The following CRACD variants were observed in gnomAD, a reference collection of about 807,000 sequenced individuals.
CRACD encodes the protein capping protein inhibiting regulator of actin dynamics, also known as capping protein-inhibiting regulator of actin dynamics.
In CRACD, 56 loss-of-function variants were observed where a neutral mutation model predicts 106.8. The observed-to-expected ratio is 0.52, with a 90% confidence interval of 0.42 to 0.66. CRACD has a LOEUF of 0.66. Among genes scored for constraint, CRACD ranks in the 30% least tolerant of loss-of-function variants. The pLI, the probability that CRACD is intolerant of heterozygous loss-of-function variation, is 0.00. For missense variants in CRACD, 1,730 were observed against 1,623.2 expected, an observed-to-expected ratio of 1.07 and a Z score of -1.13; for synonymous variants, 754 against 670.8, an observed-to-expected ratio of 1.12 and a Z score of -1.92.
At chr4:56,172,516 G>A (rs922383652) in intron 1 of CRACD, among the ~76,000 whole-genome samples, 9 of 152,160 alleles carry the variant, frequency 5.9e-5, no homozygotes, top group African/African-American at 1.7e-4. Flanking sequence ...AGGCTGCTGT[G>A]CAATGGCATG....
intron 1 of CRACD, among the ~76,000 whole-genome samples, chr4:56,120,312 A>C (rs1734441526): frequency 6.6e-6 from 1 of 152,096 alleles, no homozygotes; most frequent in Non-Finnish European, 1.5e-5. Context: ...AGAGACTCTG[A>C]TCCTATATGT....
At chr4:56,249,058 G>A (rs72980179) in intron 2 of CRACD, among the ~76,000 whole-genome samples, 32,227 of 59,280 alleles carry the variant, frequency 0.54, 9,802 homozygotes, top group Middle Eastern at 0.63. Flanking sequence ...TCTTTATAGC[G>A]GCATGATTTA....
chr4:56,265,442 G>A (rs1226051107), intron 2 of CRACD, among the ~76,000 whole-genome samples: 4 of 147,060 alleles, frequency 2.7e-5, no homozygotes, highest in African/African-American at 1.0e-4. Context: ...GTGTGTGTGT[G>A]TATGAAATAT....
chr4:56,212,483 G>A (rs1424302901), intron 2 of CRACD, among the ~76,000 whole-genome samples: 2 of 152,088 alleles, frequency 1.3e-5, no homozygotes, highest in South Asian at 2.1e-4. Context: ...CTCTGTGGAC[G>A]TGCCCTGAGT....
intron 10 of CRACD, among the ~76,000 whole-genome samples, chr4:56,325,416 A>G (rs1363388094): frequency 2.0e-5 from 3 of 152,230 alleles, no homozygotes; most frequent in Non-Finnish European, 4.4e-5. Context: ...GGAAATGGAA[A>G]CTGCATCTCT....
chr4:56,260,048 A>T (rs1397965117), intron 2 of CRACD, among the ~76,000 whole-genome samples: 1 of 152,188 alleles, frequency 6.6e-6, no homozygotes, highest in Non-Finnish European at 1.5e-5. Flanking sequence ...GTGGAAGGAT[A>T]GGGAATATAG....
At chr4:56,148,828 G>C (rs1057248321) in intron 1 of CRACD, among the ~76,000 whole-genome samples, 47 of 149,544 alleles carry the variant, frequency 3.1e-4, no homozygotes, top group African/African-American at 1.1e-3. Flanking sequence ...TTTTTTCCGG[G>C]GCAGGGTGAG....
chr4:56,195,669 G>T (rs548968739), intron 2 of CRACD, among the ~76,000 whole-genome samples: 3 of 152,210 alleles, frequency 2.0e-5, no homozygotes, highest in Admixed American at 1.3e-4. Flanking sequence ...TTTGCCTTTG[G>T]TCGTGAATCC....
chr4:56,119,411 G>T (rs1045858842), intron 1 of CRACD, among the ~76,000 whole-genome samples: 4 of 151,460 alleles, frequency 2.6e-5, no homozygotes, highest in Non-Finnish European at 5.9e-5. Flanking sequence ...GCTCACTGTA[G>T]CCTCCACCTA....
chr4:56,162,688 T>A (rs1299136639), intron 1 of CRACD, among the ~76,000 whole-genome samples: 1 of 152,270 alleles, frequency 6.6e-6, no homozygotes, highest in Non-Finnish European at 1.5e-5. Context: ...AAGCCTGCCT[T>A]GTCCAAGGTT....
intron 2 of CRACD, among the ~76,000 whole-genome samples, chr4:56,238,439 C>T (rs1203242238): frequency 6.6e-6 from 1 of 152,196 alleles, no homozygotes; most frequent in Non-Finnish European, 1.5e-5. Context: ...GAAGCATTGT[C>T]GCCTTTTCTA....
intron 1 of CRACD, among the ~76,000 whole-genome samples, chr4:56,144,937 C>T (rs900343336): frequency 2.0e-5 from 3 of 151,886 alleles, no homozygotes; most frequent in African/African-American, 7.3e-5. Context: ...GACAGGTGTG[C>T]ACCACCATGC....
chr4:56,252,784 T>C (rs189296244), intron 2 of CRACD, among the ~76,000 whole-genome samples: 14 of 152,214 alleles, frequency 9.2e-5, no homozygotes, highest in African/African-American at 2.9e-4. Context: ...TGGGGCAGAA[T>C]TGGTCAGTGA....
intron 10 of CRACD, among the ~76,000 whole-genome samples, chr4:56,326,017 T>G (rs1746421167): frequency 6.6e-6 from 1 of 152,200 alleles, no homozygotes; most frequent in East Asian, 1.9e-4. Flanking sequence ...GTTCAAGCAA[T>G]TCTTCTGCCT....
At chr4:56,057,764 C>G (rs1480543442) in intron 1 of CRACD, among the ~76,000 whole-genome samples, 1 of 141,464 alleles carries the variant, frequency 7.1e-6, no homozygotes, top group African/African-American at 2.6e-5. Context: ...GCTGGGATTA[C>G]AGGTGTGCGC....
chr4:56,258,801 A>G (rs998403978), intron 2 of CRACD, among the ~76,000 whole-genome samples: 6 of 152,306 alleles, frequency 3.9e-5, no homozygotes, highest in African/African-American at 1.2e-4. Context: ...AAGGAATACA[A>G]TTGGAAAATT....
At chr4:56,169,502 A>G (rs765663391) in intron 1 of CRACD, among the ~76,000 whole-genome samples, 10 of 151,876 alleles carry the variant, frequency 6.6e-5, no homozygotes, top group Non-Finnish European at 1.2e-4. Context: ...CTTTAAGTGT[A>G]TTGGTTTTGT....
chr4:56,314,410 C>CGGAGCAGAGGGAGCGGAG lies in CRACD; in HGVS notation c.913_914insAGAGGGAGCGGAGGGAGC (p.Glu304_Arg305insGlnArgGluArgArgGlu), dbSNP rs1553920293. On this transcript the variant is annotated inframe_insertion, in exon 8 of 11. Coordinates refer to ENST00000682029, the MANE Select transcript of CRACD (RefSeq NM_001393381.1). The surrounding 1 kb of genome is among the most constrained non-coding windows in gnomAD (Gnocchi z 4.4). ...CTGGAAGCGCCAGGTTGGGAGGACG[C>CGGAGCAGAGGGAGCGGAG]GGAGCGGAGGGAGCGTGAGGAGCGC... 2 of 1,540,992 alleles carry CGGAGCAGAGGGAGCGGAG rather than the reference C, an allele frequency of 1.3e-6. No homozygotes were observed. Among genetic ancestry groups the CGGAGCAGAGGGAGCGGAG allele is most frequent in the Non-Finnish European group, 8.7e-7 (1 of 1,143,564 alleles).
intron 7 of CRACD, 85 bp from the exon 8 acceptor site, chr4:56,313,955 G>A: frequency 6.6e-7 from 1 of 1,507,424 alleles, no homozygotes. Flanking sequence ...GAAATTAAGA[G>A]GGTCGCTGGC....
Sources: gnomAD v4.1 joint callset for allele counts (sites outside exome capture counted in the v4.1 genomes callset) on GRCh38, gnomAD v4.1.1 for gene constraint, Gnocchi (gnomAD v3.1) non-coding constraint, MANE v1.5 for transcripts, NCBI Gene and HGNC (gene_info 2026-07-23, HGNC 2026-07-21) for gene names.